Variants in SCCPDH observed in about 807,000 individuals in gnomAD.
SCCPDH encodes the protein saccharopine dehydrogenase-like oxidoreductase.
A neutral mutation model predicts 51.5 loss-of-function variants in SCCPDH; 34 were observed. The observed-to-expected ratio is 0.66, with a 90% CI of 0.50 to 0.88. SCCPDH has a LOEUF of 0.88. Among genes scored for constraint, SCCPDH ranks in the 40% least tolerant of loss-of-function variants. SCCPDH has a pLI of 0.00. For missense variants in SCCPDH, 464 were observed against 527.1 expected (o/e 0.88, Z 1.17); for synonymous variants, 187 against 191.3 (o/e 0.98, Z 0.19).
intron 5 of SCCPDH, among the ~76,000 whole-genome samples, chr1:246,745,213 A>T (rs537363306): frequency 6.6e-6 from 1 of 152,304 alleles, no homozygotes; most frequent in Non-Finnish European, 1.5e-5. Context: ...TGGGAACGTA[A>T]GACAGTTGCA....
chr1:246,736,169 A>G (rs1224381239), intron 3 of SCCPDH, 114 bp downstream of exon 3: 1 of 668,890 alleles, frequency 1.5e-6, no homozygotes, highest in Non-Finnish European at 2.6e-6. Context: ...ACTCCTTTCT[A>G]GCATTCAGAT....
chr1:246,743,290 T>TA (rs1007022400), intron 4 of SCCPDH, among the ~76,000 whole-genome samples: 1 of 151,664 alleles, frequency 6.6e-6, no homozygotes, highest in Non-Finnish European at 1.5e-5. Context: ...CTAATTTTTT[T>TA]AAAAAAATTG....
chr1:246,741,389 TGGG>T (rs953138607), intron 4 of SCCPDH, among the ~76,000 whole-genome samples: 1 of 151,294 alleles, frequency 6.6e-6, no homozygotes, highest in African/African-American at 2.4e-5. Flanking sequence ...AACGAATGCC[TGGG>T]CTCAGGCAGT....
chr1:246,742,612 A>T (rs1207772613), intron 4 of SCCPDH, among the ~76,000 whole-genome samples: 1 of 152,206 alleles, frequency 6.6e-6, no homozygotes, highest in Non-Finnish European at 1.5e-5. Flanking sequence ...CTGTGGTCAG[A>T]CTAACGACAT....
rs1164233660 is a variant in SCCPDH at position 246,767,275 on chromosome 1, G to A, written c.1265G>A (p.Ser422Asn). The A allele has an allele frequency of 1.2e-6, 2 of 1,607,490 alleles. No homozygotes were observed. The highest frequency in any genetic ancestry group is 1.7e-6 in the Non-Finnish European group (2 of 1,176,292). The change falls in exon 12 of 12, where the codon AGT becomes AAT. Residue 422 changes from serine to asparagine, a missense_variant. Coordinates refer to ENST00000366510, the MANE Select transcript of SCCPDH (RefSeq NM_016002.3). ...CTCAACAAACACGGTATTGAGTTTA[G>A]TGTTATTAGCAGCTCTGAAGTCTAA... is the stretch of plus-strand genomic sequence containing the variant. ...DRLNKHGIEFSVISSSEV is the reference protein window; with the variant it reads ...DRLNKHGIEFNVISSSEV
At chr1:246,727,500 T>C (rs1324506005) in intron 2 of SCCPDH, among the ~76,000 whole-genome samples, 1 of 152,174 alleles carries the variant, frequency 6.6e-6, no homozygotes, top group Non-Finnish European at 1.5e-5. Flanking sequence ...AGAAAATCCC[T>C]CGTGGACATT....
chr1:246,733,763 A>G (rs1413606692), intron 2 of SCCPDH, among the ~76,000 whole-genome samples: 1 of 152,234 alleles, frequency 6.6e-6, no homozygotes, highest in Non-Finnish European at 1.5e-5. Context: ...CTGTTTGTAT[A>G]TGATGTTTTA....
At chr1:246,747,193 G>C (rs1187950185) in intron 5 of SCCPDH, among the ~76,000 whole-genome samples, 1 of 151,732 alleles carries the variant, frequency 6.6e-6, no homozygotes, top group Non-Finnish European at 1.5e-5. Flanking sequence ...TCTTTATGTA[G>C]GCTCCGGACA....
intron 2 of SCCPDH, among the ~76,000 whole-genome samples, chr1:246,730,754 G>C (rs958331842): frequency 6.6e-6 from 1 of 152,160 alleles, no homozygotes; most frequent in Non-Finnish European, 1.5e-5. Flanking sequence ...GGAGACCACT[G>C]GGTTAGAAGA....
chr1:246,763,409 G>A (rs1021120973), intron 9 of SCCPDH, among the ~76,000 whole-genome samples: 6 of 152,146 alleles, frequency 3.9e-5, no homozygotes, highest in African/African-American at 1.4e-4. Context: ...CTCTTGAATT[G>A]TATGTTCTGG....
At chr1:246,748,501 T>C (rs1472389164) in intron 5 of SCCPDH, among the ~76,000 whole-genome samples, 1 of 152,214 alleles carries the variant, frequency 6.6e-6, no homozygotes, top group African/African-American at 2.4e-5. Context: ...AGGACCATTC[T>C]GTTTTCCCAA....
chr1:246,750,985 G>A (rs7518952), intron 5 of SCCPDH, among the ~76,000 whole-genome samples: 37,337 of 152,186 alleles, frequency 0.25, 4,901 homozygotes, highest in East Asian at 0.33. Flanking sequence ...CACACATGGC[G>A]TGGGGCCCCC....
intron 5 of SCCPDH, among the ~76,000 whole-genome samples, chr1:246,750,249 G>T (rs1241878469): frequency 2.0e-5 from 3 of 152,078 alleles, no homozygotes; most frequent in Non-Finnish European, 4.4e-5. Flanking sequence ...TAGCGGGGGG[G>T]TACCTGTGCT....
chr1:246,727,076 A>C, intron 2 of SCCPDH, 72 bp downstream of exon 2: 1 of 1,198,728 alleles, frequency 8.3e-7, no homozygotes, highest in Admixed American at 1.8e-5. Flanking sequence ...CCAGAGGAAC[A>C]TAAGGACAGA....
intron 4 of SCCPDH, among the ~76,000 whole-genome samples, chr1:246,742,668 C>T (rs1187811719): frequency 1.3e-5 from 2 of 152,108 alleles, no homozygotes; most frequent in East Asian, 1.9e-4. Flanking sequence ...TTGTTGATGA[C>T]GTGGTTATTT....
At chr1:246,733,561 C>T (rs1385130630) in intron 2 of SCCPDH, among the ~76,000 whole-genome samples, 1 of 151,682 alleles carries the variant, frequency 6.6e-6, no homozygotes, top group Non-Finnish European at 1.5e-5. Context: ...TCTGCCTCAG[C>T]CTCCCAAAGT....
At position 246,744,270 on chromosome 1, in the gene SCCPDH, A is replaced by G. The variant is rs1668723113; in HGVS notation, c.564+145A>G. The G allele has an allele frequency of 1.9e-5, 8 of 419,568 alleles. No individual in the cohort carries two copies. In the South Asian group the frequency reaches 4.5e-4, roughly 24 times the overall value. 26.0% of individuals were successfully genotyped at this position (419,568 alleles called of 1,614,324 possible). ...TTTAAAAAGATACATTGCCAAGATTACTTTGACTTGAAATATACTTTATTT... is the reference window on the plus strand; with the variant it reads ...TTTAAAAAGATACATTGCCAAGATTGCTTTGACTTGAAATATACTTTATTT... On this transcript the variant is annotated intron_variant, in intron 5 of 11. Coordinates refer to ENST00000366510, the MANE Select transcript of SCCPDH (RefSeq NM_016002.3).
Position 246,767,290 on chromosome 1 carries a change from C to G in SCCPDH, c.1280C>G (p.Ser427Cys), listed in dbSNP as rs769921057. The change falls in exon 12 of 12, where the codon TCT becomes TGT. Residue 427 changes from serine to cysteine, a missense_variant. Ser to Cys is a moderately radical substitution (Grantham distance 112). Transcript: ENST00000366510. ...HGIEFSVISS[S>C]EV ...ATTGAGTTTAGTGTTATTAGCAGCT[C>G]TGAAGTCTAAACACTGGAAGAATTA... 6.3e-7 allele frequency: 1 copy of G among 1,592,046 alleles called. No individual in the cohort carries two copies. The highest frequency in any genetic ancestry group is 1.1e-5 in the South Asian group (1 of 88,364).
At chr1:246,758,639 G>A (rs1668966683) in intron 6 of SCCPDH, among the ~76,000 whole-genome samples, 1 of 152,078 alleles carries the variant, frequency 6.6e-6, no homozygotes, top group South Asian at 2.1e-4. Context: ...TGAATCCTAG[G>A]AAATAAGTGA....
Sources: gnomAD v4.1 joint callset for allele counts (sites outside exome capture counted in the v4.1 genomes callset) on GRCh38, gnomAD v4.1.1 for gene constraint, MANE v1.5 for transcripts, NCBI Gene and HGNC (gene_info 2026-07-23, HGNC 2026-07-21) for gene names.